Variants in TLE1 observed in about 807,000 individuals in gnomAD.
TLE1 encodes transducin-like enhancer protein 1.
In TLE1, 21 loss-of-function variants were observed where a neutral mutation model predicts 89.8. The ratio of observed to expected loss-of-function variants is 0.23; its 90% CI spans 0.17 to 0.34. The LOEUF is 0.34. Among genes scored for constraint, TLE1 ranks in the 10% least tolerant of loss-of-function variants. The pLI is 1.00. For synonymous variants in TLE1, 447 were observed against 407.6 expected (o/e 1.10, Z -1.16); for missense variants, 795 against 1,031.2 (o/e 0.77, Z 3.14).
At chr9:81,685,146 A>G (rs1834101502) in intron 4 of TLE1, among the ~76,000 whole-genome samples, 1 of 152,046 alleles carries the variant, frequency 6.6e-6, no homozygotes, top group African/African-American at 2.4e-5. Context: ...CAACTGAGAA[A>G]TTTTTCAAAA....
chr9:81,687,262 G>T, intron 2 of TLE1, 72 bp downstream of exon 2: 2 of 1,332,716 alleles, frequency 1.5e-6, no homozygotes, highest in Admixed American at 2.1e-5. Context: ...TACAGGCGCC[G>T]CCGCCACCCG....
chr9:81,654,368 T>A (rs1829907802), intron 4 of TLE1, among the ~76,000 whole-genome samples: 1 of 152,030 alleles, frequency 6.6e-6, no homozygotes, highest in Admixed American at 6.6e-5. Context: ...TGAGACAGAG[T>A]CTTGCTCTGT....
At position 81,672,419 on chromosome 9, in the gene TLE1, C is replaced by T. The variant is rs1832342328; in HGVS notation, c.234+13257G>A. On this transcript the variant is annotated intron_variant, in intron 4 of 19. Coordinates refer to ENST00000376499, the MANE Select transcript of TLE1 (RefSeq NM_005077.5). ...TGCGATCTTGGCTCACTGCAACCTCCGCCTCCCAGGTTCAAGTGATTGTCC... is the reference window on the plus strand; with the variant it reads ...TGCGATCTTGGCTCACTGCAACCTCTGCCTCCCAGGTTCAAGTGATTGTCC... Among the ~76,000 whole-genome samples, 9 of 150,830 alleles carry T rather than the reference C, an allele frequency of 6.0e-5. No homozygotes were observed. The South Asian group carries it at 1.3e-3, about 21-fold the overall frequency.
Position 81,685,815 on chromosome 9 carries a change from C to A in TLE1, c.189+18G>T. On this transcript the variant is annotated intron_variant, in intron 3 of 19. Transcript: ENST00000376499. ...AATATCATATGAAAAAGGAAAAAGT[C>A]CAATCTTTGATACCTACCATCACAT... 6.2e-7 allele frequency: 1 copy of A among 1,613,948 alleles called. No homozygotes were observed. The highest frequency in any genetic ancestry group is 1.7e-5 in the Admixed American group (1 of 60,002).
At chr9:81,626,191 C>G (rs1448712476) in intron 8 of TLE1, among the ~76,000 whole-genome samples, 2 of 152,174 alleles carry the variant, frequency 1.3e-5, no homozygotes, top group South Asian at 2.1e-4. Flanking sequence ...TTCTCCTCCC[C>G]GCAGGAAAAG....
chr9:81,606,346 A>C (rs1168642382), intron 14 of TLE1, among the ~76,000 whole-genome samples: 2 of 152,230 alleles, frequency 1.3e-5, no homozygotes, highest in Non-Finnish European at 2.9e-5. Context: ...GCACTATTCA[A>C]AACAGCAAAG....
At chr9:81,660,691 C>T (rs1206657490) in intron 4 of TLE1, among the ~76,000 whole-genome samples, 2 of 150,406 alleles carry the variant, frequency 1.3e-5, no homozygotes, top group Non-Finnish European at 3.0e-5. Flanking sequence ...GCTGGGATTA[C>T]AGGCATGAGC....
At chr9:81,605,012 G>A (rs987125265) in intron 14 of TLE1, among the ~76,000 whole-genome samples, 3 of 152,262 alleles carry the variant, frequency 2.0e-5, no homozygotes, top group African/African-American at 4.8e-5. Context: ...GCCCCCAAGG[G>A]CAGAGAAGGC....
Position 81,634,077 on chromosome 9 carries a change from T to C in TLE1, c.577+20A>G, listed in dbSNP as rs2132362643. 2 of 1,596,470 alleles carry C rather than the reference T, an allele frequency of 1.3e-6. No individual in the cohort carries two copies. Among genetic ancestry groups the C allele is most frequent in the Admixed American group, 1.7e-5 (1 of 58,528 alleles). On this transcript the variant is annotated intron_variant, in intron 7 of 19. Transcript: ENST00000376499. ...AGAGTATGAGGACAAAGTCCTAATC[T>C]GGCTTGCCCGGCCTCTCACCTCTGT...
Position 81,584,491 on chromosome 9 carries a change from A to C in TLE1, c.2162T>G (p.Leu721Arg). 6.2e-7 allele frequency: 1 copy of C among 1,614,210 alleles called. No individual in the cohort carries two copies. Residue 721 changes from leucine (L) to arginine (R), a missense_variant, in exon 19 of 20, where the codon CTC (leucine) becomes CGC (arginine). Transcript: ENST00000376499. ...ATAGGGGGTCCGCCAAGCATTGAGG[A>C]GGTTATCTTTTCCAGTACTCACAAA... is the stretch of plus-strand genomic sequence containing the variant. The part of the protein sequence containing the change: ...KWFVSTGKDN[L>R]LNAWRTPYGA...
At chr9:81,639,489 G>T (rs7847046) in intron 6 of TLE1, among the ~76,000 whole-genome samples, 1 of 151,646 alleles carries the variant, frequency 6.6e-6, no homozygotes, top group African/African-American at 2.4e-5. Context: ...CAGTAATTAG[G>T]AAATTTGCTT....
intron 4 of TLE1, among the ~76,000 whole-genome samples, chr9:81,678,948 C>T (rs1263126416): frequency 6.6e-6 from 1 of 152,110 alleles, no homozygotes; most frequent in African/African-American, 2.4e-5. Flanking sequence ...TGAGACCAGC[C>T]TGGACAACAT....
chr9:81,675,834 G>C (rs922020702), intron 4 of TLE1, among the ~76,000 whole-genome samples: 3 of 151,768 alleles, frequency 2.0e-5, no homozygotes, highest in Non-Finnish European at 4.4e-5. Context: ...CCGAGTAGCT[G>C]GGATGACAGG....
At chr9:81,598,650 G>A (rs1162534072) in intron 14 of TLE1, among the ~76,000 whole-genome samples, 2 of 152,096 alleles carry the variant, frequency 1.3e-5, no homozygotes, top group African/African-American at 4.8e-5. Context: ...TAAGCCCCTG[G>A]GTTATGCCAG....
intron 6 of TLE1, among the ~76,000 whole-genome samples, chr9:81,646,004 G>A (rs1468765084): frequency 6.6e-6 from 1 of 151,964 alleles, no homozygotes; most frequent in African/African-American, 2.4e-5. Flanking sequence ...TTTATTCCAG[G>A]GAATCAAGTA....
intron 8 of TLE1, among the ~76,000 whole-genome samples, chr9:81,627,166 C>G (rs1826006547): frequency 6.6e-6 from 1 of 152,054 alleles, no homozygotes. Context: ...GATGAGGACA[C>G]AGAGTTTGTT....
At chr9:81,638,438 G>T (rs562389754) in intron 6 of TLE1, among the ~76,000 whole-genome samples, 1 of 152,196 alleles carries the variant, frequency 6.6e-6, no homozygotes, top group South Asian at 2.1e-4. Flanking sequence ...AAAGGACAGC[G>T]CTCCTCTGTC....
intron 12 of TLE1, 121 bp from the exon 13 acceptor site, chr9:81,612,080 T>C (rs920308801): frequency 1.4e-4 from 110 of 802,344 alleles, no homozygotes; most frequent in Admixed American, 1.7e-4. Flanking sequence ...GTAAGGCTTC[T>C]AGGGGAGGGG....
intron 6 of TLE1, among the ~76,000 whole-genome samples, chr9:81,635,293 G>A (rs1237664281): frequency 6.6e-6 from 1 of 152,144 alleles, no homozygotes; most frequent in Non-Finnish European, 1.5e-5. Flanking sequence ...GAATGGGTAG[G>A]ACCGTGGATG....
Sources: allele counts gnomAD v4.1 joint callset (sites outside exome capture counted in the v4.1 genomes callset), GRCh38; gene constraint gnomAD v4.1.1; transcripts MANE v1.5; gene names NCBI Gene and HGNC (gene_info 2026-07-23, HGNC 2026-07-21).